PDCD1: variants seen among roughly 807,000 people sequenced by gnomAD.
The protein encoded by PDCD1 is programmed cell death 1, also known as programmed cell death protein 1.
PDCD1 carries 10 observed loss-of-function variants against 23.6 expected under a neutral mutation model. The observed-to-expected ratio is 0.42, with a 90% CI of 0.26 to 0.72. PDCD1 has a LOEUF of 0.72. PDCD1 is among the 30% of genes least tolerant of loss of function. The pLI, the probability that PDCD1 is intolerant of heterozygous loss-of-function variation, is 0.24. For synonymous variants in PDCD1, 168 were observed against 169.3 expected (o/e 0.99, Z 0.06); for missense variants, 313 against 397.8 (o/e 0.79, Z 1.81).
At chr2:241,857,514 G>A (rs998785781) in intron 1 of PDCD1, among the ~76,000 whole-genome samples, 13 of 151,100 alleles carry the variant, frequency 8.6e-5, no homozygotes, top group African/African-American at 2.7e-4. Flanking sequence ...TGTGACGAGC[G>A]CCCCTCTGCC....
At chr2:241,858,405 A>G (rs974321661) in intron 1 of PDCD1, among the ~76,000 whole-genome samples, 3 of 152,196 alleles carry the variant, frequency 2.0e-5, no homozygotes, top group Non-Finnish European at 2.9e-5. Flanking sequence ...ATTCTACAGA[A>G]ACACGCAGCC....
intron 1 of PDCD1, among the ~76,000 whole-genome samples, chr2:241,856,206 C>A (rs1206496040): frequency 6.6e-6 from 1 of 151,996 alleles, no homozygotes; most frequent in Non-Finnish European, 1.5e-5. Context: ...TCCAGCCCCC[C>A]ACGGCGGGAG....
chr2:241,851,875 C>A (rs1700909623), intron 4 of PDCD1, 74 bp downstream of exon 4: 1 of 1,427,254 alleles, frequency 7.0e-7, no homozygotes, highest in East Asian at 2.3e-5. Context: ...CGTGTGGTCC[C>A]AGCCTGTCCT....
chr2:241,855,178 G>T (rs114640997), intron 1 of PDCD1, among the ~76,000 whole-genome samples: 1,844 of 146,482 alleles, frequency 0.013, 43 homozygotes, highest in African/African-American at 0.045. Context: ...TGGGCCCCTC[G>T]GCCTCCCCTG....
intron 3 of PDCD1, 97 bp from the exon 4 acceptor site, chr2:241,852,080 G>T: frequency 1.4e-6 from 2 of 1,457,118 alleles, no homozygotes; most frequent in African/African-American, 1.4e-5. Context: ...GACTTAGCCT[G>T]GCGGGGAGAT....
At position 241,858,759 on chromosome 2, in the gene PDCD1, C is replaced by T. The variant is rs766352759; in HGVS notation, c.76+4G>A. ...TGGGACACCTGACCGCCGACCCCAC[C>T]TACCTAAGAACCATCCTGGCCGCCA... On this transcript the variant is annotated splice_donor_region_variant and intron_variant, in intron 1 of 4. Transcript: ENST00000334409. 1.3e-6 allele frequency: 2 copies of T among 1,587,516 alleles called. No homozygotes were observed. Among genetic ancestry groups the T allele is most frequent in the Non-Finnish European group, 1.7e-6 (2 of 1,167,420 alleles).
intron 1 of PDCD1, among the ~76,000 whole-genome samples, chr2:241,856,208 C>A (rs530740732): frequency 1.3e-5 from 2 of 152,042 alleles, no homozygotes; most frequent in Admixed American, 1.3e-4. Flanking sequence ...CAGCCCCCCA[C>A]GGCGGGAGGA....
At chr2:241,856,217 G>A (rs1344304346) in intron 1 of PDCD1, among the ~76,000 whole-genome samples, 2 of 152,070 alleles carry the variant, frequency 1.3e-5, no homozygotes, top group Admixed American at 1.3e-4. Context: ...ACGGCGGGAG[G>A]ACAGGCTCTG....
At chr2:241,857,936 GGCTGGGCACAGAGGGCCA>G (rs1278442240) in intron 1 of PDCD1, among the ~76,000 whole-genome samples, 35 of 151,406 alleles carry the variant, frequency 2.3e-4, no homozygotes, top group African/African-American at 8.2e-4. Flanking sequence ...GGTGCAGGCT[GGCTGGGCACAGAGGGCCA>G]GCCGGGCACA....
intron 1 of PDCD1, among the ~76,000 whole-genome samples, chr2:241,856,657 TA>T (rs891057147): frequency 1.3e-5 from 2 of 151,542 alleles, no homozygotes; most frequent in Non-Finnish European, 2.9e-5. Context: ...ACCCTGTCTC[TA>T]AAAAAAATGG....
At chr2:241,852,512 TG>T (rs1172151482) in intron 2 of PDCD1, 108 bp downstream of exon 2, 15 of 1,362,146 alleles carry the variant, frequency 1.1e-5, no homozygotes, top group African/African-American at 5.8e-5. Flanking sequence ...GGACTGGAGC[TG>T]GGGGGTCCCT....
chr2:241,856,589 T>C (rs1245196070), intron 1 of PDCD1, among the ~76,000 whole-genome samples: 1 of 152,048 alleles, frequency 6.6e-6, no homozygotes, highest in African/African-American at 2.4e-5. Flanking sequence ...GTAATCCCAG[T>C]ACTTGGGGAG....
At position 241,852,367 on chromosome 2, in the gene PDCD1, A is replaced by C; in HGVS notation, c.437-14T>G. The C allele has an allele frequency of 1.3e-6, 2 of 1,532,382 alleles. No individual in the cohort carries two copies. The highest frequency in any genetic ancestry group is 1.4e-5 in the African/African-American group (1 of 72,916). 94.9% of individuals were successfully genotyped at this position (1,532,382 alleles called of 1,614,324 possible). A position where few individuals can be genotyped will look rare whatever the true frequency, so the allele number is the denominator to read the frequency against. ...CTGCCCTTCTCTCTGGAAGGGCACA[A>C]AGGTCAGGGGTTAGGACGGGGTCAG... On this transcript the variant is annotated splice_polypyrimidine_tract_variant and intron_variant, in intron 2 of 4. Coordinates refer to ENST00000334409, the MANE Select transcript of PDCD1 (RefSeq NM_005018.3).
At chr2:241,858,215 T>C (rs1003653731) in intron 1 of PDCD1, among the ~76,000 whole-genome samples, 2 of 152,190 alleles carry the variant, frequency 1.3e-5, no homozygotes, top group Non-Finnish European at 2.9e-5. Flanking sequence ...TTGGATATAA[T>C]GAGAAAAATA....
intron 2 of PDCD1, 59 bp from the exon 3 acceptor site, chr2:241,852,412 G>A (rs1013224676): frequency 2.4e-6 from 3 of 1,254,330 alleles, no homozygotes; most frequent in Admixed American, 2.2e-5. Flanking sequence ...TCAGGGTCAG[G>A]GGTGAGGGCA....
At chr2:241,854,939 C>G (rs1482860922) in intron 1 of PDCD1, among the ~76,000 whole-genome samples, 1 of 152,218 alleles carries the variant, frequency 6.6e-6, no homozygotes, top group African/African-American at 2.4e-5. Context: ...TCCCTGGGAC[C>G]ATCTGTGCAT....
Position 241,851,935 on chromosome 2 carries a change from AGAGT to A in PDCD1, c.627+10_627+13del, listed in dbSNP as rs757810639. ...AAGGCACAGTGGATCATGCAGGAAA[AGAGT>A]GAGACTCACCAGGGGCTGGCCGGTG... On this transcript the variant is annotated intron_variant, in intron 4 of 4. Transcript: ENST00000334409. The A allele has an allele frequency of 6.2e-7, 1 of 1,613,188 alleles. No homozygotes were observed. The highest frequency in any genetic ancestry group is 2.2e-5 in the East Asian group (1 of 44,878).
rs1700882285 is a variant in PDCD1, at chr2:241,850,749, C to T, written c.*309G>A. 1 of 624,068 alleles carries T rather than the reference C, an allele frequency of 1.6e-6. No homozygotes were observed. The highest frequency in any genetic ancestry group is 3.0e-6 in the Non-Finnish European group (1 of 335,504). 38.7% of individuals were successfully genotyped at this position (624,068 alleles called of 1,614,324 possible). A position where few individuals can be genotyped will look rare whatever the true frequency, so the allele number is the denominator to read the frequency against. ...GCAGCAGCAGCAGCAGCAGCAGCAG[C>T]AGCAGAGATTCAGGGAGCTGGACGC... On this transcript the variant is annotated 3_prime_UTR_variant, in exon 5 of 5. Coordinates refer to ENST00000334409, the MANE Select transcript of PDCD1 (RefSeq NM_005018.3).
intron 4 of PDCD1, among the ~76,000 whole-genome samples, chr2:241,851,721 G>A (rs56114502): frequency 2.3e-4 from 35 of 150,526 alleles, no homozygotes; most frequent in East Asian, 5.8e-4. Flanking sequence ...CCTGGAGACC[G>A]CAGGCAGGCA....
Sources: gnomAD v4.1 joint callset for allele counts (sites outside exome capture counted in the v4.1 genomes callset) on GRCh38, gnomAD v4.1.1 for gene constraint, MANE v1.5 for transcripts, NCBI Gene and HGNC (gene_info 2026-07-23, HGNC 2026-07-21) for gene names.